The following TMTC1 variants were observed in gnomAD, a reference collection of about 807,000 sequenced individuals.
The protein encoded by TMTC1 is transmembrane O-mannosyltransferase targeting cadherins 1, also known as protein O-mannosyl-transferase TMTC1.
TMTC1 carries 73 observed loss-of-function variants against 104.8 expected under a neutral mutation model. The observed-to-expected ratio is 0.70, with a 90% CI of 0.58 to 0.85. The LOEUF (loss-of-function observed/expected upper bound fraction) is 0.85. Among genes scored for constraint, TMTC1 ranks in the 40% least tolerant of loss-of-function variants. The pLI, the probability that TMTC1 is intolerant of heterozygous loss-of-function variation, is 0.00. For missense variants in TMTC1, 1,035 were observed against 1,096.1 expected (o/e 0.94, Z 0.79); for synonymous variants, 434 against 428.7 (o/e 1.01, Z -0.15).
intron 10 of TMTC1, among the ~76,000 whole-genome samples, chr12:29,538,345 T>G (rs766666929): frequency 1.3e-5 from 2 of 152,184 alleles, no homozygotes; most frequent in Non-Finnish European, 2.9e-5. Context: ...AATGTATTTT[T>G]GTATCCCACT....
At chr12:29,732,063 T>TG (rs1389052053) in intron 5 of TMTC1, among the ~76,000 whole-genome samples, 2 of 152,210 alleles carry the variant, frequency 1.3e-5, no homozygotes, top group Non-Finnish European at 2.9e-5. Flanking sequence ...TATTAAGCAT[T>TG]GTTGTAACTT....
At chr12:29,759,525 T>C (rs996332797) in intron 2 of TMTC1, among the ~76,000 whole-genome samples, 3 of 152,136 alleles carry the variant, frequency 2.0e-5, no homozygotes, top group Admixed American at 6.5e-5. Flanking sequence ...GGAAAGGGAA[T>C]GAGTTTGAAC....
intron 5 of TMTC1, among the ~76,000 whole-genome samples, chr12:29,705,124 G>C (rs1160708646): frequency 6.6e-6 from 1 of 152,130 alleles, no homozygotes; most frequent in Non-Finnish European, 1.5e-5. Flanking sequence ...TGGGAGTTCA[G>C]AGCAGAGGCC....
chr12:29,548,640 T>C (rs1033427822), intron 10 of TMTC1, among the ~76,000 whole-genome samples: 1 of 151,944 alleles, frequency 6.6e-6, no homozygotes, highest in Non-Finnish European at 1.5e-5. Flanking sequence ...CATGTGAAAC[T>C]GTGAATCCAT....
At chr12:29,617,645 G>A (rs2136449721) in intron 6 of TMTC1, among the ~76,000 whole-genome samples, 1 of 152,126 alleles carries the variant, frequency 6.6e-6, no homozygotes, top group African/African-American at 2.4e-5. Flanking sequence ...CTGGTAAGGG[G>A]TATCTGTAAT....
chr12:29,620,494 A>G (rs1947102818), intron 6 of TMTC1, among the ~76,000 whole-genome samples: 2 of 152,222 alleles, frequency 1.3e-5, no homozygotes, highest in African/African-American at 4.8e-5. Flanking sequence ...AGACTAACAA[A>G]TGAAATCGAA....
At chr12:29,709,634 C>A (rs1412329511) in intron 5 of TMTC1, among the ~76,000 whole-genome samples, 2 of 152,140 alleles carry the variant, frequency 1.3e-5, no homozygotes, top group Non-Finnish European at 2.9e-5. Context: ...AATCCCACTT[C>A]CATAAGCCTC....
At chr12:29,741,415 A>T (rs1953760944) in intron 5 of TMTC1, among the ~76,000 whole-genome samples, 1 of 152,218 alleles carries the variant, frequency 6.6e-6, no homozygotes, top group Admixed American at 6.5e-5. Context: ...AGTTCTTAAG[A>T]GTTTGAAGAT....
chr12:29,503,667 T>G lies in TMTC1; in HGVS notation c.*3179A>C, dbSNP rs976511626. 6.6e-6 allele frequency: 1 copy of G among 152,222 alleles called. No homozygotes were observed. The highest frequency in any genetic ancestry group is 1.5e-5 in the Non-Finnish European group (1 of 68,050). The allele number at this position is 152,222 out of a possible 1,614,324, so 9.4% of individuals were successfully genotyped here. On this transcript the variant is annotated 3_prime_UTR_variant, in exon 18 of 18. Transcript: ENST00000539277. ...ATAAAATGAAACTCTGATCATTGGT[T>G]CAAATGTTCAGCCAGGCCAAAGCAA...
chr12:29,525,293 C>T (rs887218107), intron 11 of TMTC1, among the ~76,000 whole-genome samples: 2 of 147,652 alleles, frequency 1.4e-5, no homozygotes, highest in African/African-American at 5.0e-5. Flanking sequence ...GGCGATTCTC[C>T]TGCCTCAGCC....
At chr12:29,663,114 G>A (rs1426942188) in intron 5 of TMTC1, among the ~76,000 whole-genome samples, 1 of 152,198 alleles carries the variant, frequency 6.6e-6, no homozygotes. Context: ...CTGAGGCAAA[G>A]TCCTTGACTT....
chr12:29,637,658 T>C (rs1270471016), intron 5 of TMTC1, among the ~76,000 whole-genome samples: 2 of 152,198 alleles, frequency 1.3e-5, no homozygotes, highest in African/African-American at 4.8e-5. Flanking sequence ...ATCTAAATTT[T>C]CATTTTTATC....
At chr12:29,688,380 G>A (rs548403042) in intron 5 of TMTC1, among the ~76,000 whole-genome samples, 157 of 152,328 alleles carry the variant, frequency 1.0e-3, no homozygotes, top group Non-Finnish European at 1.8e-3. Flanking sequence ...TGCTGCCATT[G>A]TGATTCTACC....
chr12:29,695,791 T>TC (rs1941399068), intron 5 of TMTC1, among the ~76,000 whole-genome samples: 1 of 95,240 alleles, frequency 1.0e-5, no homozygotes, highest in Non-Finnish European at 2.4e-5. Flanking sequence ...ACTACTTCCT[T>TC]TTTATATATA....
chr12:29,545,398 G>A (rs893700858), intron 10 of TMTC1, among the ~76,000 whole-genome samples: 3 of 152,226 alleles, frequency 2.0e-5, no homozygotes, highest in South Asian at 2.1e-4. Flanking sequence ...CCAGCATTTT[G>A]GGAGGCTGAG....
At chr12:29,560,363 T>C (rs1945347341) in intron 9 of TMTC1, among the ~76,000 whole-genome samples, 1 of 152,234 alleles carries the variant, frequency 6.6e-6, no homozygotes, top group Non-Finnish European at 1.5e-5. Context: ...TATTTATTAT[T>C]ATTTTGATGA....
At chr12:29,753,331 T>C (rs1235592514) in intron 4 of TMTC1, among the ~76,000 whole-genome samples, 1 of 152,120 alleles carries the variant, frequency 6.6e-6, no homozygotes, top group African/African-American at 2.4e-5. Flanking sequence ...CTTTGAGCTG[T>C]GTAACTGTCA....
chr12:29,707,473 C>T (rs1941779419), intron 5 of TMTC1, among the ~76,000 whole-genome samples: 1 of 152,184 alleles, frequency 6.6e-6, no homozygotes, highest in South Asian at 2.1e-4. Context: ...ATCGCGTCCT[C>T]TACTATGAGG....
In TMTC1 at chr12:29,571,974, C is replaced by G. The variant is rs112231276; in HGVS notation, c.1532+131G>C. The G allele has an allele frequency of 2.9e-3, 1,936 of 662,668 alleles. 22 individuals carry two copies. The African/African-American group carries it at 0.031, about 11-fold the overall frequency. 41.0% of individuals were successfully genotyped at this position (662,668 alleles called of 1,614,324 possible). Reference sequence around the variant, plus strand: ...AAAAGACTCAGAGTCCAAGAGCTACCCCACCTCCAAGGATCAGTTTACTGT... The same window carrying G: ...AAAAGACTCAGAGTCCAAGAGCTACGCCACCTCCAAGGATCAGTTTACTGT... On this transcript the variant is annotated intron_variant, in intron 9 of 17. Transcript: ENST00000539277.
Sources: allele counts gnomAD v4.1 joint callset (sites outside exome capture counted in the v4.1 genomes callset), GRCh38; gene constraint gnomAD v4.1.1; transcripts MANE v1.5; gene names NCBI Gene and HGNC (gene_info 2026-07-23, HGNC 2026-07-21).